Variants in CHTF18 observed in about 807,000 individuals in gnomAD.
CHTF18 encodes chromosome transmission fidelity protein 18 homolog.
CHTF18 carries 151 observed loss-of-function variants against 113.4 expected under a neutral mutation model. The observed-to-expected ratio is 1.33, with a 90% CI of 1.17 to 1.52. The LOEUF (loss-of-function observed/expected upper bound fraction) is 1.52. Ranked by LOEUF, CHTF18 falls within the 40% of genes most tolerant of loss-of-function variation. CHTF18 has a pLI of 0.00. For synonymous variants in CHTF18, 916 were observed against 598.8 expected (o/e 1.53, Z -7.74); for missense variants, 1,982 against 1,381.6 (o/e 1.43, Z -6.89).
intron 9 of CHTF18, 92 bp from the exon 10 acceptor site, chr16:792,132 G>T: frequency 6.6e-7 from 1 of 1,525,132 alleles, no homozygotes; most frequent in Non-Finnish European, 8.8e-7. Flanking sequence ...GTCATGTGAC[G>T]GTCTCCACGC....
intron 8 of CHTF18, 153 bp downstream of exon 8, chr16:791,523 G>C: frequency 7.0e-7 from 1 of 1,436,896 alleles, no homozygotes; most frequent in Non-Finnish European, 9.1e-7. Flanking sequence ...TAGAACTGGA[G>C]CGTTGCAGTA....
chr16:792,518 C>T lies in CHTF18; in HGVS notation c.1406C>T (p.Ser469Leu), dbSNP rs35387463. 0.012 allele frequency: 19,624 copies of T among 1,591,744 alleles called. 152 individuals are homozygous for T. Among genetic ancestry groups the T allele is most frequent in the Middle Eastern group, 0.021 (125 of 5,980 alleles). The change falls in exon 11 of 22, where the codon TCG becomes TTG. Residue 469 changes from serine to leucine, a missense_variant. Physicochemically the swap from Ser to Leu is moderately radical, Grantham distance 145 (BLOSUM62 -2). Coordinates refer to ENST00000262315, the MANE Select transcript of CHTF18 (RefSeq NM_022092.3). ...EVGPQGPAVP[S>L]GGGRRRRAEG... is the part of the protein sequence containing the mutation. ...GGGCCACAGGGCCCGGCTGTGCCTT[C>T]GGGAGGCGGCCGACGGCGCCGGGCA...
chr16:789,693 A>G lies in CHTF18; in HGVS notation c.584A>G (p.Asp195Gly). 1 of 1,596,310 alleles carries G rather than the reference A, an allele frequency of 6.3e-7. No homozygotes were observed. The highest frequency in any genetic ancestry group is 8.5e-7 in the Non-Finnish European group (1 of 1,177,370). ...GVRAYLVLRA[D>G]PMAPGVQGSL... is the part of the protein sequence containing the mutation. Reference sequence around the variant, plus strand: ...CGGGCTTATCTGGTGCTGCGTGCTGACCCCATGGCCCCGGGGGTGCAGGTG... The same window carrying G: ...CGGGCTTATCTGGTGCTGCGTGCTGGCCCCATGGCCCCGGGGGTGCAGGTG... The change falls in exon 4 of 22, where the codon GAC becomes GGC. Residue 195 changes from aspartate to glycine, a missense_variant. Physicochemically the swap from Asp to Gly is moderately conservative, Grantham distance 94 (BLOSUM62 -1). Transcript: ENST00000262315.
At position 793,083 on chromosome 16, in the gene CHTF18, C is replaced by CCGGGTGGGGT. The variant is rs748223650; in HGVS notation, c.1671+20_1671+29dup. The CCGGGTGGGGT allele has an allele frequency of 7.6e-5, 88 of 1,162,842 alleles. No individual in the cohort carries two copies. In the African/African-American group the frequency reaches 1.1e-3, roughly 14 times the overall value. 72.0% of individuals were successfully genotyped at this position (1,162,842 alleles called of 1,614,324 possible). A position where few individuals can be genotyped will look rare whatever the true frequency, so the allele number is the denominator to read the frequency against. On this transcript the variant is annotated intron_variant, in intron 13 of 21. Coordinates refer to ENST00000262315, the MANE Select transcript of CHTF18 (RefSeq NM_022092.3). ...CCTGCAGGTGGGCGGCCGGCAGGCA[C>CCGGGTGGGGT]CGGGTGGGGTGGGGTGGGGTCAGGA...
At chr16:789,770 G>C in intron 4 of CHTF18, 55 bp downstream of exon 4, 1 of 1,497,570 alleles carries the variant, frequency 6.7e-7, no homozygotes, top group Admixed American at 2.1e-5. Context: ...CTCAGGAAAG[G>C]GTCCTTGGAG....
intron 4 of CHTF18, 183 bp downstream of exon 4, chr16:789,898 C>T (rs1462677645): frequency 9.3e-6 from 13 of 1,393,042 alleles, no homozygotes; most frequent in African/African-American, 7.2e-5. Context: ...CAGCAGGTTG[C>T]TGTCCAGCCT....
Position 793,031 on chromosome 16 carries a change from C to G in CHTF18, c.1638C>G (p.Asp546Glu). The G allele has an allele frequency of 6.4e-7, 1 of 1,564,848 alleles. No individual in the cohort carries two copies. Among genetic ancestry groups the G allele is most frequent in the South Asian group, 1.2e-5 (1 of 85,000 alleles). ...GVLAALCEKT[D>E]NDIRACINTL... ...TGGCCGCCCTCTGTGAGAAAACTGA[C>G]AATGACATCCGGGCCTGCATCAACA... Residue 546 changes from aspartate to glutamate, a missense_variant, in exon 13 of 22, where the codon GAC becomes GAG. Coordinates refer to ENST00000262315, the MANE Select transcript of CHTF18 (RefSeq NM_022092.3).
chr16:795,553 TG>T lies in CHTF18; in HGVS notation c.2176-131del. On this transcript the variant is annotated intron_variant, in intron 16 of 21. Coordinates refer to ENST00000262315, the MANE Select transcript of CHTF18 (RefSeq NM_022092.3). ...CCCGTGCCCGCCCCCCCAAACACAC[TG>T]CCCGTGTGGCTGCCCCCGGCCCCGT... 2 of 90,530 alleles carry T rather than the reference TG, an allele frequency of 2.2e-5. 1 individual carries two copies. Among genetic ancestry groups the T allele is most frequent in the East Asian group, 7.7e-4 (2 of 2,598 alleles). 5.6% of individuals were successfully genotyped at this position (90,530 alleles called of 1,614,324 possible).
chr16:797,899 G>T lies in CHTF18; in HGVS notation c.2852G>T (p.Ser951Ile). 6.2e-7 allele frequency: 1 copy of T among 1,611,596 alleles called. No individual in the cohort carries two copies. Among genetic ancestry groups the T allele is most frequent in the Non-Finnish European group, 8.5e-7 (1 of 1,179,480 alleles). Reference sequence around the variant, plus strand: ...CGCATGGGCACAGCGGTGGGCAGGAGCGAGGTCTGGTTCCGCTTCAACGAG... The same window carrying T: ...CGCATGGGCACAGCGGTGGGCAGGATCGAGGTCTGGTTCCGCTTCAACGAG... ...ERRMGTAVGR[S>I]EVWFRFNEGV... Residue 951 changes from serine (S) to isoleucine (I), a missense_variant, in exon 22 of 22, where the codon AGC (serine) becomes ATC (isoleucine). Transcript: ENST00000262315.
chr16:792,149 G>A (rs1314040382), intron 9 of CHTF18, 75 bp from the exon 10 acceptor site: 2 of 1,525,826 alleles, frequency 1.3e-6, no homozygotes, highest in African/African-American at 2.8e-5. Context: ...ACGCAAATGC[G>A]GCAGCCCCGG....
At chr16:789,744 G>A (rs369150510) in intron 4 of CHTF18, 29 bp downstream of exon 4, 114 of 1,554,066 alleles carry the variant, frequency 7.3e-5, no homozygotes, top group Non-Finnish European at 8.4e-5. Flanking sequence ...CCTGCACGGT[G>A]GGTGGGCCAG....
Position 797,674 on chromosome 16 carries a change from C to G in CHTF18, c.2734-20C>G, listed in dbSNP as rs116392840. On this transcript the variant is annotated intron_variant, in intron 20 of 21. Coordinates refer to ENST00000262315, the MANE Select transcript of CHTF18 (RefSeq NM_022092.3). Reference sequence around the variant, plus strand: ...TGGGGCATCTGTCCTATACGACTGACTAGTCCTTCCTCCCATCAGCCTGAG... The same window carrying G: ...TGGGGCATCTGTCCTATACGACTGAGTAGTCCTTCCTCCCATCAGCCTGAG... 3.1e-6 allele frequency: 5 copies of G among 1,611,012 alleles called. No homozygotes were observed. The highest frequency in any genetic ancestry group is 1.1e-5 in the South Asian group (1 of 90,876).
At chr16:791,041 G>C in intron 7 of CHTF18, 120 bp from the exon 8 acceptor site, 1 of 1,486,714 alleles carries the variant, frequency 6.7e-7, no homozygotes, top group Non-Finnish European at 8.9e-7. Flanking sequence ...GAAGACGGGG[G>C]TGGCCATTCA....
chr16:791,933 TGGA>T lies in CHTF18; in HGVS notation c.1189_1191del (p.Glu397del). 1 of 1,608,832 alleles carries T rather than the reference TGGA, an allele frequency of 6.2e-7. No homozygotes were observed. On this transcript the variant is annotated inframe_deletion, in exon 9 of 22. Coordinates refer to ENST00000262315, the MANE Select transcript of CHTF18 (RefSeq NM_022092.3). ...GCGCGTCACGCGGGGTACTCTGTGG[TGGA>T]GATGAACGCCAGGTGAGTGATGTGA...
In CHTF18 at chr16:789,307, G is replaced by C. The variant is rs761533160; in HGVS notation, c.384G>C (p.Thr128=). Residue 128 remains threonine, a synonymous_variant, in exon 3 of 22, where the codon ACG becomes ACC. Transcript: ENST00000262315. Reference sequence around the variant, plus strand: ...CGCCCCCTCCCGACTCCTCGCCGACGGACATCACCCCGCCGCCGAGCCCTG... The same window carrying C: ...CGCCCCCTCCCGACTCCTCGCCGACCGACATCACCCCGCCGCCGAGCCCTG... ...EEPPPPDSSP[T]DITPPPSPED... 3.7e-6 allele frequency: 6 copies of C among 1,600,088 alleles called. No individual in the cohort carries two copies. Among genetic ancestry groups the C allele is most frequent in the East Asian group, 2.3e-5 (1 of 44,158 alleles).
intron 3 of CHTF18, 77 bp downstream of exon 3, chr16:789,437 G>T (rs2042104815): frequency 3.3e-6 from 5 of 1,530,876 alleles, no homozygotes; most frequent in Non-Finnish European, 2.6e-6. Flanking sequence ...TGCCCTGGAT[G>T]AGGCCTGGGG....
chr16:797,062 C>T lies in CHTF18; in HGVS notation c.2703C>T (p.His901=). 1.3e-6 allele frequency: 2 copies of T among 1,548,450 alleles called. No individual in the cohort carries two copies. The highest frequency in any genetic ancestry group is 1.7e-6 in the Non-Finnish European group (2 of 1,148,930). Residue 901 remains histidine (H), a synonymous_variant, in exon 20 of 22, where the codon CAC becomes CAT. Coordinates refer to ENST00000262315, the MANE Select transcript of CHTF18 (RefSeq NM_022092.3). ...GCAACCATGAGCAGCGGCTGGAGCA[C>T]ATCATGAGGCGAGCGGCCCGGGAGG... The part of the protein sequence containing the change: ...APRNHEQRLE[H]IMRRAAREEQ...
Position 797,696 on chromosome 16 carries a change from T to A in CHTF18, c.2736T>A (p.Pro912=). The change falls in exon 21 of 22, where the codon CCT becomes CCA. Residue 912 remains proline, a splice_region_variant and synonymous_variant. Coordinates refer to ENST00000262315, the MANE Select transcript of CHTF18 (RefSeq NM_022092.3). ...IMRRAAREEQ[P]EKDFFGRVVV... ...TGACTAGTCCTTCCTCCCATCAGCC[T>A]GAGAAGGACTTCTTTGGACGTGTGG... The A allele has an allele frequency of 6.2e-7, 1 of 1,607,946 alleles. No homozygotes were observed. The highest frequency in any genetic ancestry group is 1.1e-5 in the South Asian group (1 of 90,930).
At position 790,461 on chromosome 16, in the gene CHTF18, C is replaced by T. The variant is rs923634664; in HGVS notation, c.752+62C>T. Reference sequence around the variant, plus strand: ...TTGGCTCTTGCACCAACTCCTAGCTCCTAGCGTGTGGGTTGGCATGGTCCC... The same window carrying T: ...TTGGCTCTTGCACCAACTCCTAGCTTCTAGCGTGTGGGTTGGCATGGTCCC... On this transcript the variant is annotated intron_variant, in intron 6 of 21. Coordinates refer to ENST00000262315, the MANE Select transcript of CHTF18 (RefSeq NM_022092.3). 534 of 1,610,008 alleles carry T rather than the reference C, an allele frequency of 3.3e-4. 4 individuals are homozygous for T. Among genetic ancestry groups the T allele is most frequent in the Admixed American group, 3.7e-4 (22 of 59,606 alleles).
Sources: gnomAD v4.1 joint callset for allele counts on GRCh38, gnomAD v4.1.1 for gene constraint, MANE v1.5 for transcripts, NCBI Gene and HGNC (gene_info 2026-07-23, HGNC 2026-07-21) for gene names.